The following SSR1 variants were observed in gnomAD, a reference collection of about 807,000 sequenced individuals.
The protein encoded by SSR1 is translocon-associated protein subunit alpha.
In SSR1, 13 loss-of-function variants were observed where a neutral mutation model predicts 36.1. That is an observed-to-expected ratio of 0.36 (90% CI 0.23 to 0.57). SSR1 has a LOEUF of 0.57. SSR1 is among the 20% of genes least tolerant of loss of function. The probability of loss-of-function intolerance (pLI) is 0.81; values close to 1 mark genes in which losing one functional copy is unlikely to be tolerated. For synonymous variants in SSR1, 113 were observed against 118.9 expected, an observed-to-expected ratio of 0.95 and a Z score of 0.32; for missense variants, 291 against 338.5, an observed-to-expected ratio of 0.86 and a Z score of 1.10.
At chr6:7,291,008 C>T (rs780847082) in intron 7 of SSR1, among the ~76,000 whole-genome samples, 17 of 152,120 alleles carry the variant, frequency 1.1e-4, no homozygotes, top group Non-Finnish European at 1.8e-4. Flanking sequence ...CCTCAGCCTC[C>T]CAAGTAGCTG....
Position 7,298,767 on chromosome 6 carries a change from C to T in SSR1, c.600G>A (p.Glu200=). Residue 200 remains glutamate, a synonymous_variant, in exon 5 of 8, where the codon GAG becomes GAA. Coordinates refer to ENST00000244763, the MANE Select transcript of SSR1 (RefSeq NM_003144.5). ...CTTACGTTTCTCCATCTAACCCATC[C>T]TCTCTTTCAATAACTGTAACTGTTT... ...FNQTVTVIER[E]DGLDGETIFM... is the part of the protein sequence containing the mutation. 1 of 1,613,344 alleles carries T rather than the reference C, an allele frequency of 6.2e-7. No individual in the cohort carries two copies. Among genetic ancestry groups the T allele is most frequent in the Non-Finnish European group, 8.5e-7 (1 of 1,179,690 alleles).
At chr6:7,311,832 T>C (rs1758200591) in intron 1 of SSR1, among the ~76,000 whole-genome samples, 1 of 152,226 alleles carries the variant, frequency 6.6e-6, no homozygotes, top group African/African-American at 2.4e-5. Context: ...TCATGCTTCT[T>C]GAAAGTTTTT....
At chr6:7,301,919 C>T (rs1485042364) in intron 3 of SSR1, among the ~76,000 whole-genome samples, 1 of 152,108 alleles carries the variant, frequency 6.6e-6, no homozygotes, top group African/African-American at 2.4e-5. Context: ...CCTTCACCTC[C>T]AGCTTAGTGT....
intron 5 of SSR1, 86 bp downstream of exon 5, chr6:7,298,661 A>T (rs1412013334): frequency 2.0e-6 from 2 of 988,910 alleles, no homozygotes; most frequent in Non-Finnish European, 3.2e-6. Flanking sequence ...CATCGTCAAC[A>T]TCTAAAACAA....
At position 7,310,164 on chromosome 6, in the gene SSR1, A is replaced by G; in HGVS notation, c.80-135T>C. The G allele has an allele frequency of 1.3e-5, 8 of 622,208 alleles. No individual in the cohort carries two copies. The South Asian group carries it at 1.6e-4, about 12-fold the overall frequency. The allele number at this position is 622,208 out of a possible 1,614,324, so 38.5% of individuals were successfully genotyped here. A position where few individuals can be genotyped will look rare whatever the true frequency, so the allele number is the denominator to read the frequency against. ...CCAGTTCACCTGAATGATGCCAATT[A>G]CAATGCACCGAAGAATATTTATATT... is the stretch of plus-strand genomic sequence containing the variant. On this transcript the variant is annotated intron_variant, in intron 1 of 7. Coordinates refer to ENST00000244763, the MANE Select transcript of SSR1 (RefSeq NM_003144.5).
In SSR1 at chr6:7,289,638, A is replaced by C; in HGVS notation, c.*226T>G. The C allele has an allele frequency of 1.9e-6, 1 of 530,012 alleles. No individual in the cohort carries two copies. The highest frequency in any genetic ancestry group is 4.3e-5 in the Admixed American group (1 of 23,292). The allele number at this position is 530,012 out of a possible 1,614,324, so 32.8% of individuals were successfully genotyped here. ...CAACTGCTCACATACATACACACGC[A>C]CACACATAGATTTTAATGGTTTAAA... On this transcript the variant is annotated 3_prime_UTR_variant, in exon 8 of 8. Transcript: ENST00000244763.
chr6:7,306,345 A>G (rs1047979681), intron 2 of SSR1, among the ~76,000 whole-genome samples: 3 of 151,742 alleles, frequency 2.0e-5, no homozygotes, highest in African/African-American at 4.8e-5. Flanking sequence ...GGGTTTCACC[A>G]TGTTAGCCAG....
Position 7,306,910 on chromosome 6 carries a change from C to G in SSR1, c.192+3007G>C, listed in dbSNP as rs555355928. The stretch of plus-strand genomic sequence containing the variant: ...CCAGCCTGGGCGACAGAGCGAGACT[C>G]TGTCTGGGTGGTGGGGGGGTGGGGG... On this transcript the variant is annotated intron_variant, in intron 2 of 7. Transcript: ENST00000244763. Among the ~76,000 whole-genome samples, 3 of 113,134 alleles carry G rather than the reference C, an allele frequency of 2.7e-5. No homozygotes were observed. In the South Asian group the frequency reaches 9.7e-4, roughly 37 times the overall value. 74.2% of individuals were successfully genotyped at this position (113,134 alleles called of 152,430 possible). A position where few individuals can be genotyped will look rare whatever the true frequency, so the allele number is the denominator to read the frequency against.
rs1339685513 is a variant in SSR1, at chr6:7,288,760, A to C, written c.*1104T>G. On this transcript the variant is annotated 3_prime_UTR_variant, in exon 8 of 8. Coordinates refer to ENST00000244763, the MANE Select transcript of SSR1 (RefSeq NM_003144.5). ...GTAACTCTATAAGAGGATTTTATGAAGTACAATTTAATTTTGGTTCCAGTC... is the reference window on the plus strand; with the variant it reads ...GTAACTCTATAAGAGGATTTTATGACGTACAATTTAATTTTGGTTCCAGTC... 2 of 152,606 alleles carry C rather than the reference A, an allele frequency of 1.3e-5. No homozygotes were observed. The highest frequency in any genetic ancestry group is 2.9e-5 in the Non-Finnish European group (2 of 68,034). 9.5% of individuals were successfully genotyped at this position (152,606 alleles called of 1,614,324 possible).
intron 7 of SSR1, 95 bp downstream of exon 7, chr6:7,295,297 T>C (rs535273093): frequency 6.6e-5 from 76 of 1,160,104 alleles, no homozygotes; most frequent in Non-Finnish European, 8.1e-5. Flanking sequence ...GAATGTTAAA[T>C]AGTACTGAAA....
intron 2 of SSR1, among the ~76,000 whole-genome samples, chr6:7,306,733 G>A (rs913939131): frequency 4.6e-5 from 7 of 151,684 alleles, no homozygotes; most frequent in East Asian, 2.0e-4. Context: ...TGGCTAACAT[G>A]GTGAAACCCC....
chr6:7,289,629 TA>T lies in SSR1; in HGVS notation c.*234del. The T allele has an allele frequency of 1.9e-6, 1 of 513,136 alleles. No individual in the cohort carries two copies. The highest frequency in any genetic ancestry group is 3.4e-6 in the Non-Finnish European group (1 of 297,062). The allele number at this position is 513,136 out of a possible 1,614,324, so 31.8% of individuals were successfully genotyped here. ...TGGTAAGACCAACTGCTCACATACA[TA>T]CACACGCACACACATAGATTTTAAT... is the stretch of plus-strand genomic sequence containing the variant. On this transcript the variant is annotated 3_prime_UTR_variant, in exon 8 of 8. Coordinates refer to ENST00000244763, the MANE Select transcript of SSR1 (RefSeq NM_003144.5).
chr6:7,311,569 C>T (rs890887508), intron 1 of SSR1, among the ~76,000 whole-genome samples: 2 of 152,218 alleles, frequency 1.3e-5, no homozygotes, highest in Non-Finnish European at 2.9e-5. Flanking sequence ...TCATAACTTA[C>T]AAGTCCTTTT....
Position 7,284,289 on chromosome 6 carries a change from AG to A in SSR1, c.*5574del, listed in dbSNP as rs1757497721. The A allele has an allele frequency of 6.6e-6, 1 of 152,204 alleles. No individual in the cohort carries two copies. Among genetic ancestry groups the A allele is most frequent in the South Asian group, 2.1e-4 (1 of 4,832 alleles). 9.4% of individuals were successfully genotyped at this position (152,204 alleles called of 1,614,324 possible). A position where few individuals can be genotyped will look rare whatever the true frequency, so the allele number is the denominator to read the frequency against. On this transcript the variant is annotated 3_prime_UTR_variant, in exon 8 of 8. Coordinates refer to ENST00000244763, the MANE Select transcript of SSR1 (RefSeq NM_003144.5). ...AAAGAACTGGATGTGCAGGTGTAAG[AG>A]ATTTATTACAAAACAAAAACTCCCC...
At chr6:7,310,070 G>T in intron 1 of SSR1, 41 bp from the exon 2 acceptor site, 3 of 1,521,384 alleles carry the variant, frequency 2.0e-6, no homozygotes, top group Non-Finnish European at 1.8e-6. Context: ...CCTTTACTCT[G>T]AAATACTAAT....
Position 7,313,109 on chromosome 6 carries a change from G to T in SSR1, c.12C>A (p.Leu4=), listed in dbSNP as rs140533508. 1 of 1,606,816 alleles carries T rather than the reference G, an allele frequency of 6.2e-7. No individual in the cohort carries two copies. The highest frequency in any genetic ancestry group is 8.5e-7 in the Non-Finnish European group (1 of 1,176,482). MRL[L]PRLLLLLLLV... ...GTAAGAGAAGCAGCAGCAAGCGGGG[G>T]AGGAGTCTCATGGCGCTGCCGGTCC... Residue 4 remains leucine, a synonymous_variant, in exon 1 of 8, where the codon CTC becomes CTA. Coordinates refer to ENST00000244763, the MANE Select transcript of SSR1 (RefSeq NM_003144.5).
At chr6:7,292,545 C>T (rs1039475706) in intron 7 of SSR1, among the ~76,000 whole-genome samples, 12 of 130,804 alleles carry the variant, frequency 9.2e-5, no homozygotes, top group African/African-American at 2.7e-4. Context: ...CTAATTTTTC[C>T]TTTCTTTTCT....
intron 4 of SSR1, 30 bp downstream of exon 4, chr6:7,301,280 T>TA: frequency 6.2e-7 from 1 of 1,605,064 alleles, no homozygotes; most frequent in Non-Finnish European, 8.5e-7. Flanking sequence ...ATCTCTAACT[T>TA]AAACAAAAAG....
At chr6:7,308,582 C>T (rs1285525901) in intron 2 of SSR1, among the ~76,000 whole-genome samples, 2 of 152,122 alleles carry the variant, frequency 1.3e-5, no homozygotes, top group Non-Finnish European at 2.9e-5. Flanking sequence ...GCAATGATCC[C>T]AATTCCAGCC....
Sources: gnomAD v4.1 joint callset for allele counts (sites outside exome capture counted in the v4.1 genomes callset) on GRCh38, gnomAD v4.1.1 for gene constraint, MANE v1.5 for transcripts, NCBI Gene and HGNC (gene_info 2026-07-23, HGNC 2026-07-21) for gene names.